IKBKB: variants seen among roughly 807,000 people sequenced by gnomAD.
The protein encoded by IKBKB is inhibitor of nuclear factor kappa-B kinase subunit beta.
Under a neutral mutation model 113.6 loss-of-function variants are expected in IKBKB, and 42 were observed. That is an observed-to-expected ratio of 0.37 (90% CI 0.29 to 0.48). The LOEUF (loss-of-function observed/expected upper bound fraction) is 0.48. IKBKB is among the 20% of genes least tolerant of loss of function. IKBKB has a pLI of 0.99. For synonymous variants in IKBKB, 296 were observed against 361.3 expected (o/e 0.82, Z 2.05); for missense variants, 673 against 939.7 (o/e 0.72, Z 3.71).
At chr8:42,273,422 ATAT>A (rs1563288287) in intron 2 of IKBKB, among the ~76,000 whole-genome samples, 42 of 145,312 alleles carry the variant, frequency 2.9e-4, no homozygotes, top group African/African-American at 1.1e-3. Flanking sequence ...CTCAAAAAAT[ATAT>A]ATATATATAT....
At chr8:42,292,845 G>T (rs530251659) in intron 4 of IKBKB, among the ~76,000 whole-genome samples, 1 of 152,180 alleles carries the variant, frequency 6.6e-6, no homozygotes, top group Admixed American at 6.5e-5. Context: ...GTATCCGACC[G>T]TGTAACCTCA....
At chr8:42,275,440 C>T (rs1284431988) in intron 2 of IKBKB, among the ~76,000 whole-genome samples, 1 of 152,178 alleles carries the variant, frequency 6.6e-6, no homozygotes, top group East Asian at 1.9e-4. Context: ...CCACCTCAGC[C>T]TCTCAAAGTG....
chr8:42,284,852 C>G (rs201991592), intron 2 of IKBKB, among the ~76,000 whole-genome samples: 1 of 116,096 alleles, frequency 8.6e-6, no homozygotes, highest in Non-Finnish European at 1.7e-5. Flanking sequence ...AAACGTTATT[C>G]TTTTTTTTTT....
intron 8 of IKBKB, among the ~76,000 whole-genome samples, chr8:42,311,800 T>C (rs1411254355): frequency 6.6e-6 from 1 of 152,206 alleles, no homozygotes; most frequent in African/African-American, 2.4e-5. Context: ...TTGAGGAATT[T>C]GTTCATTAAT....
chr8:42,277,616 C>T lies in IKBKB; in HGVS notation c.105+5411C>T, dbSNP rs576709451. On this transcript the variant is annotated intron_variant, in intron 2 of 21. Coordinates refer to ENST00000520810, the MANE Select transcript of IKBKB (RefSeq NM_001556.3). Reference sequence around the variant, plus strand: ...GCCTCTGTTTTGAGCGCTGAGCCCTCTTGCCGGACAGGCCTCCCCCTCCTC... The same window carrying T: ...GCCTCTGTTTTGAGCGCTGAGCCCTTTTGCCGGACAGGCCTCCCCCTCCTC... Among the ~76,000 whole-genome samples, 294 of 152,336 alleles carry T rather than the reference C, an allele frequency of 1.9e-3. 3 individuals are homozygous for T. In the Middle Eastern group the frequency reaches 0.024, roughly 12 times the overall value.
chr8:42,326,073 G>C lies in IKBKB; in HGVS notation c.2090G>C (p.Ser697Thr), dbSNP rs1820680310. 1 of 1,614,088 alleles carries C rather than the reference G, an allele frequency of 6.2e-7. No homozygotes were observed. Among genetic ancestry groups the C allele is most frequent in the Admixed American group, 1.7e-5 (1 of 60,000 alleles). The change falls in exon 20 of 22, where the codon AGC becomes ACC. Residue 697 changes from serine (S) to threonine (T), a missense_variant. Transcript: ENST00000520810. Reference protein sequence around the residue: ...LMSQPSTASNSLPEPAKKSEE... With the variant: ...LMSQPSTASNTLPEPAKKSEE... ...TCTCAGCCCTCCACGGCCTCCAACA[G>C]CTTACCTGAGCCAGCCAAGAAGAGG...
At chr8:42,295,618 G>A (rs886205888) in intron 5 of IKBKB, among the ~76,000 whole-genome samples, 11 of 152,054 alleles carry the variant, frequency 7.2e-5, no homozygotes, top group East Asian at 5.8e-4. Flanking sequence ...CCAGCTACTC[G>A]GGAGGCTGAG....
At chr8:42,315,843 AG>A (rs1818581402) in intron 9 of IKBKB, among the ~76,000 whole-genome samples, 3 of 152,036 alleles carry the variant, frequency 2.0e-5, no homozygotes, top group Admixed American at 6.5e-5. Flanking sequence ...TTGTGTTTTT[AG>A]TAGAGATGGG....
Position 42,321,144 on chromosome 8 carries a change from C to G in IKBKB, c.1688+300C>G, listed in dbSNP as rs908482707. Reference sequence around the variant, plus strand: ...GCAGCCTCTACCCCTGTAGCAGACTCCCCTGATTTGTTCCACCCACCCTGA... The same window carrying G: ...GCAGCCTCTACCCCTGTAGCAGACTGCCCTGATTTGTTCCACCCACCCTGA... On this transcript the variant is annotated intron_variant, in intron 16 of 21. Transcript: ENST00000520810. The G allele has an allele frequency of 1.6e-5, 4 of 251,514 alleles. No individual in the cohort carries two copies. In the Admixed American group the frequency reaches 2.1e-4, roughly 13 times the overall value. The allele number at this position is 251,514 out of a possible 1,614,324, so 15.6% of individuals were successfully genotyped here.
intron 2 of IKBKB, among the ~76,000 whole-genome samples, chr8:42,273,313 G>T (rs1351205872): frequency 6.6e-6 from 1 of 151,722 alleles, no homozygotes; most frequent in Non-Finnish European, 1.5e-5. Context: ...TACTCAGGAG[G>T]CTGAGGCAGG....
rs551685831 is a variant in IKBKB, at chr8:42,319,975, G to A, written c.1578+329G>A. 90 of 265,414 alleles carry A rather than the reference G, an allele frequency of 3.4e-4. 1 individual carries two copies. The Admixed American group carries it at 4.4e-3, about 13-fold the overall frequency. The allele number at this position is 265,414 out of a possible 1,614,324, so 16.4% of individuals were successfully genotyped here. A position where few individuals can be genotyped will look rare whatever the true frequency, so the allele number is the denominator to read the frequency against. ...TGGATGATCAACACTCCCTCTTGTC[G>A]AAGGTTTTTGACTAATTTTGTTGGG... is the stretch of plus-strand genomic sequence containing the variant. On this transcript the variant is annotated intron_variant, in intron 15 of 21. Coordinates refer to ENST00000520810, the MANE Select transcript of IKBKB (RefSeq NM_001556.3).
intron 5 of IKBKB, among the ~76,000 whole-genome samples, chr8:42,300,532 G>C (rs1172424652): frequency 6.6e-6 from 1 of 152,152 alleles, no homozygotes; most frequent in Non-Finnish European, 1.5e-5. Context: ...CGGAAGTCTT[G>C]CTGCTCTTAT....
Position 42,316,757 on chromosome 8 carries a change from T to A in IKBKB, c.978T>A (p.Pro326=). ...TCACGGGCACCATCCACACCTACCC[T>A]GTGACAGAGGATGAGAGTCTGCAGA... is the stretch of plus-strand genomic sequence containing the variant. ...NMVTGTIHTY[P]VTEDESLQSL... The change falls in exon 11 of 22, where the codon CCT becomes CCA. Residue 326 remains proline, a synonymous_variant. Coordinates refer to ENST00000520810, the MANE Select transcript of IKBKB (RefSeq NM_001556.3). This position sits in a 1 kb window ranked among gnomAD's most constrained non-coding sequence, Gnocchi z 4.5. 1 of 1,614,124 alleles carries A rather than the reference T, an allele frequency of 6.2e-7. No homozygotes were observed. Among genetic ancestry groups the A allele is most frequent in the Non-Finnish European group, 8.5e-7 (1 of 1,180,018 alleles).
rs1408828521 is a variant in IKBKB, at chr8:42,271,482, C to T, written c.-19+13C>T. 2.7e-6 allele frequency: 3 copies of T among 1,117,044 alleles called. No homozygotes were observed. The highest frequency in any genetic ancestry group is 3.2e-5 in the African/African-American group (2 of 62,440). The allele number at this position is 1,117,044 out of a possible 1,614,324, so 69.2% of individuals were successfully genotyped here. On this transcript the variant is annotated intron_variant, in intron 1 of 21. Coordinates refer to ENST00000520810, the MANE Select transcript of IKBKB (RefSeq NM_001556.3). ...TCCCTGCCGACAGGTGAGTCCCCCT[C>T]GTGGGTGCGGCCCGGGTGCCACCTG...
Position 42,316,814 on chromosome 8 carries a change from C to T in IKBKB, c.1035C>T (p.Gly345=). 1.2e-6 allele frequency: 2 copies of T among 1,614,156 alleles called. No homozygotes were observed. Among genetic ancestry groups the T allele is most frequent in the South Asian group, 1.1e-5 (1 of 91,088 alleles). Residue 345 remains glycine, a synonymous_variant, in exon 11 of 22, where the codon GGC becomes GGT. Coordinates refer to ENST00000520810, the MANE Select transcript of IKBKB (RefSeq NM_001556.3). This position sits in a 1 kb window ranked among gnomAD's most constrained non-coding sequence, Gnocchi z 4.5. ...SLKARIQQDT[G]IPEEDQELLQ... is the part of the protein sequence containing the mutation. The stretch of plus-strand genomic sequence containing the variant: ...AGGCCAGAATCCAACAGGACACGGG[C>T]ATCCCAGAGGAGGACCAGGAGCTGC...
chr8:42,272,361 T>C, intron 2 of IKBKB, 156 bp downstream of exon 2: 1 of 899,662 alleles, frequency 1.1e-6, no homozygotes, highest in Non-Finnish European at 1.8e-6. Context: ...TCAGGACTTC[T>C]GAGCTGACTC....
At chr8:42,323,284 G>A (rs1190089387) in intron 19 of IKBKB, among the ~76,000 whole-genome samples, 1 of 152,258 alleles carries the variant, frequency 6.6e-6, no homozygotes, top group Non-Finnish European at 1.5e-5. Flanking sequence ...TCAGCCCACC[G>A]TCATGCACGG....
chr8:42,311,869 C>G (rs938101071), intron 8 of IKBKB, among the ~76,000 whole-genome samples: 4 of 152,222 alleles, frequency 2.6e-5, no homozygotes, highest in Middle Eastern at 6.8e-3. Flanking sequence ...GCATGTACAT[C>G]TATAGTGGGT....
chr8:42,304,841 T>C (rs1816184609), intron 5 of IKBKB, among the ~76,000 whole-genome samples: 1 of 152,200 alleles, frequency 6.6e-6, no homozygotes, highest in Non-Finnish European at 1.5e-5. Context: ...CGTGGGGTCA[T>C]CCCCAGAGAC....
Sources: allele counts gnomAD v4.1 joint callset (sites outside exome capture counted in the v4.1 genomes callset), GRCh38; gene constraint gnomAD v4.1.1; non-coding constraint Gnocchi (gnomAD v3.1); transcripts MANE v1.5; gene names NCBI Gene and HGNC (gene_info 2026-07-23, HGNC 2026-07-21).